Variants in TTLL11 observed in about 807,000 individuals in gnomAD.
TTLL11 encodes the protein tubulin polyglutamylase TTLL11.
Under a neutral mutation model 51.7 loss-of-function variants are expected in TTLL11, and 42 were observed. The observed-to-expected ratio is 0.81, with a 90% CI of 0.64 to 1.05. The LOEUF (loss-of-function observed/expected upper bound fraction) is 1.05. TTLL11 is among the 50% of genes least tolerant of loss of function. The pLI is 0.00. For synonymous variants in TTLL11, 381 were observed against 383.5 expected (o/e 0.99, Z 0.08); for missense variants, 799 against 940.4 (o/e 0.85, Z 1.97).
intron 6 of TTLL11, among the ~76,000 whole-genome samples, chr9:121,915,582 A>G (rs956413558): frequency 6.6e-6 from 1 of 152,196 alleles, no homozygotes; most frequent in African/African-American, 2.4e-5. Context: ...CTATTTTAAA[A>G]TATCTTTGCC....
At chr9:121,850,076 CT>C (rs1158599322) in intron 8 of TTLL11, among the ~76,000 whole-genome samples, 1 of 146,648 alleles carries the variant, frequency 6.8e-6, no homozygotes. Flanking sequence ...TTTTATTTTT[CT>C]TAAAAAAAAC....
chr9:121,956,664 C>A (rs1335265873), intron 6 of TTLL11, among the ~76,000 whole-genome samples: 2 of 151,668 alleles, frequency 1.3e-5, no homozygotes, highest in Non-Finnish European at 1.5e-5. Context: ...TTCCGGTGGC[C>A]CGGGACAGAC....
chr9:122,010,616 A>G lies in TTLL11; in HGVS notation c.694-20846T>C, dbSNP rs76701767. 2.5e-3 allele frequency among the ~76,000 whole-genome samples: 378 copies of G among 152,358 alleles called. 13 individuals carry two copies. The East Asian group carries it at 0.068, about 27-fold the overall frequency. On this transcript the variant is annotated intron_variant, in intron 3 of 8. Coordinates refer to ENST00000321582, the MANE Select transcript of TTLL11 (RefSeq NM_001139442.2). ...TGCAATGGAGGGACATCTAACCATT[A>G]GTTATGCTGCTACAAAAACAAGCAT...
At chr9:121,985,763 G>A (rs551700160) in intron 4 of TTLL11, among the ~76,000 whole-genome samples, 3 of 151,998 alleles carry the variant, frequency 2.0e-5, no homozygotes, top group Middle Eastern at 3.4e-3. Flanking sequence ...CTCGTGATCC[G>A]CCTGCCTCGG....
At chr9:122,024,784 G>A (rs1424167675) in intron 3 of TTLL11, among the ~76,000 whole-genome samples, 1 of 152,074 alleles carries the variant, frequency 6.6e-6, no homozygotes, top group Non-Finnish European at 1.5e-5. Context: ...AACTCAAAAT[G>A]AATCACAGAC....
chr9:121,859,581 AG>A (rs1837941503), intron 8 of TTLL11, among the ~76,000 whole-genome samples: 1 of 152,240 alleles, frequency 6.6e-6, no homozygotes, highest in Admixed American at 6.5e-5. Flanking sequence ...ATCCACCTAA[AG>A]GTGGGTTCTT....
intron 6 of TTLL11, among the ~76,000 whole-genome samples, chr9:121,945,974 A>G (rs896754642): frequency 2.0e-5 from 3 of 152,154 alleles, no homozygotes; most frequent in African/African-American, 7.2e-5. Flanking sequence ...AAAATATAAA[A>G]AAAACTCTAT....
chr9:121,990,616 G>T (rs564516888), intron 3 of TTLL11, among the ~76,000 whole-genome samples: 5 of 152,260 alleles, frequency 3.3e-5, no homozygotes, highest in African/African-American at 1.2e-4. Context: ...CTGTGTCGTT[G>T]TAAGGATGAA....
At chr9:121,951,665 C>T (rs1841854340) in intron 6 of TTLL11, among the ~76,000 whole-genome samples, 1 of 152,140 alleles carries the variant, frequency 6.6e-6, no homozygotes, top group South Asian at 2.1e-4. Flanking sequence ...CACACTGTTA[C>T]AGGAAAGAGG....
chr9:121,915,747 GTTGGCTACT>G (rs2131510836), intron 6 of TTLL11, among the ~76,000 whole-genome samples: 1 of 152,084 alleles, frequency 6.6e-6, no homozygotes, highest in East Asian at 1.9e-4. Context: ...AAAATAAAAT[GTTGGCTACT>G]TTATGTTATC....
rs1428081734 is a variant in TTLL11 at position 121,894,341 on chromosome 9, C to G, written c.1482-23593G>C. On this transcript the variant is annotated intron_variant, in intron 6 of 8. Transcript: ENST00000321582. ...CATTGTGGAAGAAAGTGTGGCAATT[C>G]CTCAGGGATCTGGAACCAGAAATGC... is the stretch of plus-strand genomic sequence containing the variant. Among the ~76,000 whole-genome samples, 5 of 152,266 alleles carry G rather than the reference C, an allele frequency of 3.3e-5. No individual in the cohort carries two copies. In the South Asian group the frequency reaches 8.3e-4, roughly 25 times the overall value.
At chr9:122,061,767 A>T (rs1273961844) in intron 1 of TTLL11, among the ~76,000 whole-genome samples, 1 of 152,040 alleles carries the variant, frequency 6.6e-6, no homozygotes, top group African/African-American at 2.4e-5. Flanking sequence ...CCTCCTGAGT[A>T]GCTGGGACTA....
At chr9:121,998,990 A>G (rs1202978188) in intron 3 of TTLL11, among the ~76,000 whole-genome samples, 1 of 152,162 alleles carries the variant, frequency 6.6e-6, no homozygotes, top group African/African-American at 2.4e-5. Context: ...CCCATATTCC[A>G]AGATCCTACA....
At chr9:122,065,514 C>T (rs1301895433) in intron 1 of TTLL11, among the ~76,000 whole-genome samples, 1 of 152,216 alleles carries the variant, frequency 6.6e-6, no homozygotes, top group Admixed American at 6.5e-5. Context: ...CTACTAATTT[C>T]CAGTCATCAC....
At chr9:121,956,568 T>C (rs1336877445) in intron 6 of TTLL11, among the ~76,000 whole-genome samples, 1 of 152,198 alleles carries the variant, frequency 6.6e-6, no homozygotes, top group Non-Finnish European at 1.5e-5. Context: ...CCTCCATCAC[T>C]GTGCATGAGG....
intron 6 of TTLL11, among the ~76,000 whole-genome samples, chr9:121,891,001 T>C (rs1839208375): frequency 6.6e-6 from 1 of 152,250 alleles, no homozygotes; most frequent in Non-Finnish European, 1.5e-5. Flanking sequence ...AACTGGCCTC[T>C]GCCTGGAACT....
chr9:121,879,708 T>C (rs913338369), intron 6 of TTLL11, among the ~76,000 whole-genome samples: 3 of 151,890 alleles, frequency 2.0e-5, no homozygotes, highest in Non-Finnish European at 4.4e-5. Flanking sequence ...GGCTCAAGCC[T>C]ATAATCCTAG....
At chr9:121,843,881 G>A (rs895801405) in intron 8 of TTLL11, among the ~76,000 whole-genome samples, 1 of 152,052 alleles carries the variant, frequency 6.6e-6, no homozygotes, top group African/African-American at 2.4e-5. Flanking sequence ...ACTGTGCGGC[G>A]TAAGCTGATC....
At chr9:122,045,725 A>G (rs1844983403) in intron 1 of TTLL11, among the ~76,000 whole-genome samples, 1 of 152,238 alleles carries the variant, frequency 6.6e-6, no homozygotes, top group Non-Finnish European at 1.5e-5. Flanking sequence ...CCGGCCTTAT[A>G]AAGGAAGGAA....
Sources: gnomAD v4.1 joint callset for allele counts (sites outside exome capture counted in the v4.1 genomes callset) on GRCh38, gnomAD v4.1.1 for gene constraint, MANE v1.5 for transcripts, NCBI Gene and HGNC (gene_info 2026-07-23, HGNC 2026-07-21) for gene names.